The following ADAMTS17 variants were observed in gnomAD, a reference collection of about 807,000 sequenced individuals.
ADAMTS17 encodes the protein A disintegrin and metalloproteinase with thrombospondin motifs 17.
A neutral mutation model predicts 141.5 loss-of-function variants in ADAMTS17; 113 were observed. That is an observed-to-expected ratio of 0.80 (90% confidence interval 0.69 to 0.93). ADAMTS17 has a LOEUF of 0.93. Ranked by LOEUF, ADAMTS17 falls within the 40% of genes least tolerant of loss-of-function variation. ADAMTS17 has a pLI of 0.00. For missense variants in ADAMTS17, 1,659 were observed against 1,517.9 expected (o/e 1.09, Z -1.54); for synonymous variants, 768 against 630.6 (o/e 1.22, Z -3.27).
At chr15:99,989,956 A>G (rs1222655981) in intron 20 of ADAMTS17, among the ~76,000 whole-genome samples, 1 of 152,216 alleles carries the variant, frequency 6.6e-6, no homozygotes, top group Non-Finnish European at 1.5e-5. Flanking sequence ...CATTTCAGAG[A>G]TAAAGAGAGG....
At chr15:100,095,071 T>C (rs912199438) in intron 15 of ADAMTS17, among the ~76,000 whole-genome samples, 2 of 152,316 alleles carry the variant, frequency 1.3e-5, no homozygotes, top group Admixed American at 1.3e-4. Context: ...TGAATTACAG[T>C]TTGGATCGTC....
At position 99,997,659 on chromosome 15, in the gene ADAMTS17, C is replaced by G; in HGVS notation, c.2592-70G>C. 2.5e-6 allele frequency: 4 copies of G among 1,596,206 alleles called. No individual in the cohort carries two copies. The highest frequency in any genetic ancestry group is 2.6e-6 in the Non-Finnish European group (3 of 1,168,534). The stretch of plus-strand genomic sequence containing the variant: ...CCAGCCTCTCCGGAGGGCCTTCCGG[C>G]CGGATCCTGGAATTGCTGCCCTGTG... On this transcript the variant is annotated intron_variant, in intron 18 of 21. Transcript: ENST00000268070. The surrounding 1 kb of genome is among the most constrained non-coding windows in gnomAD (Gnocchi z 4.7).
At chr15:100,332,539 GCA>G (rs1221083666) in intron 2 of ADAMTS17, among the ~76,000 whole-genome samples, 1 of 152,234 alleles carries the variant, frequency 6.6e-6, no homozygotes, top group Non-Finnish European at 1.5e-5. Flanking sequence ...CCAGGATCTA[GCA>G]CTTTCAAAGC....
chr15:100,254,428 G>A (rs1430163264), intron 6 of ADAMTS17, among the ~76,000 whole-genome samples: 1 of 152,106 alleles, frequency 6.6e-6, no homozygotes, highest in Non-Finnish European at 1.5e-5. Context: ...ACAGTTGCTG[G>A]AAGGACTCCT....
intron 8 of ADAMTS17, among the ~76,000 whole-genome samples, chr15:100,191,074 T>G (rs769384999): frequency 5.3e-5 from 8 of 152,236 alleles, no homozygotes; most frequent in Non-Finnish European, 1.0e-4. Context: ...ACATCTCAGC[T>G]AACTGCTGGA....
At position 100,230,241 on chromosome 15, in the gene ADAMTS17, C is replaced by G. The variant is rs187906556; in HGVS notation, c.1075+23895G>C. Among the ~76,000 whole-genome samples, 119 of 152,364 alleles carry G rather than the reference C, an allele frequency of 7.8e-4. 1 individual carries two copies. Among genetic ancestry groups the G allele is most frequent in the African/African-American group, 2.2e-3 (92 of 41,578 alleles). The stretch of plus-strand genomic sequence containing the variant: ...ACACCCGCGGTGCACGAAAGCCACA[C>G]TTGCAGACCCCTATCTTTGTGGTAC... On this transcript the variant is annotated intron_variant, in intron 7 of 21. Coordinates refer to ENST00000268070, the MANE Select transcript of ADAMTS17 (RefSeq NM_139057.4).
chr15:100,244,995 G>C (rs540281905), intron 7 of ADAMTS17, among the ~76,000 whole-genome samples: 1 of 152,164 alleles, frequency 6.6e-6, no homozygotes, highest in Non-Finnish European at 1.5e-5. Context: ...GGCTGACTCC[G>C]AATTGCATGA....
chr15:100,156,540 G>A (rs563729120), intron 8 of ADAMTS17, among the ~76,000 whole-genome samples: 1 of 152,178 alleles, frequency 6.6e-6, no homozygotes, highest in Non-Finnish European at 1.5e-5. Flanking sequence ...TGGAGGGGGG[G>A]CATCCTTACC....
intron 18 of ADAMTS17, among the ~76,000 whole-genome samples, chr15:100,040,951 T>C (rs1478763937): frequency 1.3e-5 from 2 of 152,202 alleles, no homozygotes; most frequent in African/African-American, 4.8e-5. Context: ...AAAGAAAATG[T>C]TTATGTTTCA....
Position 100,281,237 on chromosome 15 carries a change from T to C in ADAMTS17, c.781A>G (p.Met261Val). 6.2e-7 allele frequency: 1 copy of C among 1,605,328 alleles called. No homozygotes were observed. Residue 261 changes from methionine to valine, a missense_variant, in exon 4 of 22, where the codon ATG (methionine) becomes GTG (valine). Physicochemically the swap from Met to Val is conservative, Grantham distance 21. Coordinates refer to ENST00000268070, the MANE Select transcript of ADAMTS17 (RefSeq NM_139057.4). ...EAAQRFILTV[M>V]NMVYNMFQHQ... ...CCCGGCTCCGGACTCACCATGTTCA[T>C]GACGGTCAGGATGAACCTCTGGGCG... is the stretch of plus-strand genomic sequence containing the variant.
At chr15:100,039,910 T>C (rs2031094559) in intron 18 of ADAMTS17, among the ~76,000 whole-genome samples, 1 of 152,204 alleles carries the variant, frequency 6.6e-6, no homozygotes, top group African/African-American at 2.4e-5. Context: ...TGTTTATAAT[T>C]GTTGTATCTT....
chr15:100,314,784 C>T (rs754853005), intron 3 of ADAMTS17, among the ~76,000 whole-genome samples: 8 of 152,146 alleles, frequency 5.3e-5, no homozygotes, highest in Admixed American at 2.6e-4. Context: ...TGCAGCCAGC[C>T]ACAAAGACAG....
At chr15:100,284,656 G>C (rs1433942895) in intron 3 of ADAMTS17, among the ~76,000 whole-genome samples, 1 of 152,168 alleles carries the variant, frequency 6.6e-6, no homozygotes, top group Non-Finnish European at 1.5e-5. Flanking sequence ...CACTCCCTCA[G>C]CAGAGACCCA....
intron 15 of ADAMTS17, among the ~76,000 whole-genome samples, chr15:100,063,954 G>A (rs1388147358): frequency 2.0e-5 from 3 of 152,294 alleles, no homozygotes; most frequent in East Asian, 1.9e-4. Flanking sequence ...GGATTTGCAC[G>A]TGTTTCAGGT....
At chr15:100,160,589 A>G (rs140330353) in intron 8 of ADAMTS17, among the ~76,000 whole-genome samples, 1 of 152,232 alleles carries the variant, frequency 6.6e-6, no homozygotes, top group Non-Finnish European at 1.5e-5. Context: ...TGGTTACAAA[A>G]GCGCTTGGAA....
At chr15:100,183,737 G>A (rs533115813) in intron 8 of ADAMTS17, among the ~76,000 whole-genome samples, 2 of 152,264 alleles carry the variant, frequency 1.3e-5, no homozygotes, top group African/African-American at 4.8e-5. Flanking sequence ...TCTTGATCCT[G>A]TTTAAATATG....
At chr15:99,992,956 G>C in intron 20 of ADAMTS17, 92 bp downstream of exon 20, 1 of 1,530,412 alleles carries the variant, frequency 6.5e-7, no homozygotes, top group South Asian at 1.1e-5. Context: ...GGACTGCCGC[G>C]TAGAATTGGG....
intron 7 of ADAMTS17, among the ~76,000 whole-genome samples, chr15:100,246,895 A>ATTTT (rs1555493009): frequency 6.7e-6 from 1 of 150,202 alleles, no homozygotes; most frequent in South Asian, 2.1e-4. Flanking sequence ...TTATTTATTT[A>ATTTT]TTTTTTGAGA....
rs548238366 is a variant in ADAMTS17, at chr15:99,971,456, A to G, written c.*2946T>C. The G allele has an allele frequency of 5.3e-5, 8 of 152,326 alleles. No homozygotes were observed. The South Asian group carries it at 1.7e-3, about 32-fold the overall frequency. 9.4% of individuals were successfully genotyped at this position (152,326 alleles called of 1,614,324 possible). On this transcript the variant is annotated 3_prime_UTR_variant, in exon 22 of 22. Transcript: ENST00000268070. The stretch of plus-strand genomic sequence containing the variant: ...TTAAACTGTTATGGAAAAACATTTT[A>G]TTACACATATTCAACTTGCTTCCAA...
Sources: gnomAD v4.1 joint callset for allele counts (sites outside exome capture counted in the v4.1 genomes callset) on GRCh38, gnomAD v4.1.1 for gene constraint, Gnocchi (gnomAD v3.1) non-coding constraint, MANE v1.5 for transcripts, NCBI Gene and HGNC (gene_info 2026-07-23, HGNC 2026-07-21) for gene names.